The following MTRF1 variants were observed in gnomAD, a reference collection of about 807,000 sequenced individuals.
MTRF1 encodes the protein peptide chain release factor 1, mitochondrial.
A neutral mutation model predicts 62.9 loss-of-function variants in MTRF1; 51 were observed. The observed-to-expected ratio is 0.81, with a 90% CI of 0.65 to 1.02. The LOEUF (loss-of-function observed/expected upper bound fraction) is 1.02. MTRF1 is among the 50% of genes least tolerant of loss of function. The pLI is 0.00. For synonymous variants in MTRF1, 158 were observed against 181.9 expected (o/e 0.87, Z 1.06); for missense variants, 446 against 530.0 (o/e 0.84, Z 1.56).
the MTRF1 span, among the ~76,000 whole-genome samples, chr13:41,275,470 G>C: frequency 9.3e-3 from 1,380 of 148,582 alleles, 13 homozygotes; most frequent in African/African-American, 0.032. Flanking sequence ...AAAGTGCTGG[G>C]ATTACAGGCA....
At chr13:41,302,376 G>A in the MTRF1 span, among the ~76,000 whole-genome samples, 3 of 148,632 alleles carry the variant, frequency 2.0e-5, no homozygotes, top group African/African-American at 7.3e-5. Flanking sequence ...AGAGAGACAG[G>A]AAGGTGGGAG....
At chr13:41,270,326 T>C in the MTRF1 span, among the ~76,000 whole-genome samples, 2 of 151,952 alleles carry the variant, frequency 1.3e-5, no homozygotes, top group African/African-American at 2.4e-5. Flanking sequence ...ATTTAACTAG[T>C]CTTTTTTCCT....
the MTRF1 span, among the ~76,000 whole-genome samples, chr13:41,290,629 A>AGG: frequency 7.3e-6 from 1 of 136,218 alleles, no homozygotes. Context: ...TCCTGACCTC[A>AGG]TGATCCGCCC....
chr13:41,280,233 C>A, the MTRF1 span, among the ~76,000 whole-genome samples: 1 of 152,298 alleles, frequency 6.6e-6, no homozygotes. Flanking sequence ...CCGCGCCCGG[C>A]CCACAATCCT....
chr13:41,273,358 A>G, the MTRF1 span, among the ~76,000 whole-genome samples: 1 of 151,254 alleles, frequency 6.6e-6, no homozygotes, highest in Non-Finnish European at 1.5e-5. Context: ...AGGCATCTTC[A>G]CTTGGAAGCC....
chr13:41,257,413 A>G (rs549775168), intron 2 of MTRF1, among the ~76,000 whole-genome samples: 12 of 152,220 alleles, frequency 7.9e-5, no homozygotes, highest in Non-Finnish European at 1.6e-4. Flanking sequence ...GGACTCATGC[A>G]AGCTACATCA....
chr13:41,311,633 C>T, the MTRF1 span: 44 of 1,551,478 alleles, frequency 2.8e-5, no homozygotes, highest in South Asian at 1.0e-4. Flanking sequence ...GGTCCTCGGG[C>T]CTTAAGGGCA....
chr13:41,293,921 T>C, the MTRF1 span, among the ~76,000 whole-genome samples: 63 of 152,120 alleles, frequency 4.1e-4, no homozygotes, highest in African/African-American at 1.4e-3. Flanking sequence ...TGATAAATAT[T>C]GATATATTGA....
chr13:41,226,327 A>T, intron 8 of MTRF1, 105 bp downstream of exon 8: 1 of 1,164,650 alleles, frequency 8.6e-7, no homozygotes, highest in South Asian at 1.5e-5. Flanking sequence ...ACATTTCTCT[A>T]TGCTCTAAAA....
the MTRF1 span, among the ~76,000 whole-genome samples, chr13:41,275,595 T>G: frequency 5.3e-5 from 8 of 151,952 alleles, no homozygotes; most frequent in Non-Finnish European, 1.0e-4. Context: ...CGGGTTCAAA[T>G]GATCCTCCAT....
chr13:41,224,255 T>C (rs1435870419), intron 8 of MTRF1, among the ~76,000 whole-genome samples: 1 of 152,174 alleles, frequency 6.6e-6, no homozygotes, highest in Non-Finnish European at 1.5e-5. Context: ...AAATCCACTG[T>C]ACTTGGAATG....
chr13:41,218,328 C>T (rs928101218), intron 9 of MTRF1, among the ~76,000 whole-genome samples: 4 of 134,060 alleles, frequency 3.0e-5, no homozygotes, highest in African/African-American at 1.2e-4. Context: ...TAGGATTTTG[C>T]CATGCTGCCC....
At chr13:41,250,066 A>C (rs921030211) in intron 5 of MTRF1, among the ~76,000 whole-genome samples, 11 of 152,140 alleles carry the variant, frequency 7.2e-5, no homozygotes, top group Non-Finnish European at 2.9e-5. Flanking sequence ...TTAGGCTGCT[A>C]TACAAACCTG....
chr13:41,270,743 A>G, the MTRF1 span, among the ~76,000 whole-genome samples: 1 of 114,078 alleles, frequency 8.8e-6, no homozygotes, highest in Non-Finnish European at 2.0e-5. Flanking sequence ...TTATTTTTTA[A>G]TTTAATTTTT....
At chr13:41,290,265 A>T in the MTRF1 span, among the ~76,000 whole-genome samples, 1 of 147,990 alleles carries the variant, frequency 6.8e-6, no homozygotes, top group Admixed American at 6.8e-5. Flanking sequence ...CGTCCGGCTA[A>T]TTTTTTTGTA....
At chr13:41,311,739 C>A in the MTRF1 span, among the ~76,000 whole-genome samples, 1 of 152,232 alleles carries the variant, frequency 6.6e-6, no homozygotes, top group Non-Finnish European at 1.5e-5. Flanking sequence ...CTTTCCCGCT[C>A]CGGCCGGCCC....
rs758980005 is a variant in MTRF1 at position 41,253,042 on chromosome 13, A to T, written c.508-12T>A. On this transcript the variant is annotated splice_polypyrimidine_tract_variant and intron_variant, in intron 3 of 9. Coordinates refer to ENST00000379480, the MANE Select transcript of MTRF1 (RefSeq NM_004294.4). ...AGGCTCTGGAAAAGCTGGAATAAAAATCAGCATTTGTGTGTATATTTTCCC... is the reference window on the plus strand; with the variant it reads ...AGGCTCTGGAAAAGCTGGAATAAAATTCAGCATTTGTGTGTATATTTTCCC... The T allele has an allele frequency of 3.8e-6, 6 of 1,579,476 alleles. No individual in the cohort carries two copies. The highest frequency in any genetic ancestry group is 5.2e-6 in the Non-Finnish European group (6 of 1,158,120).
the MTRF1 span, among the ~76,000 whole-genome samples, chr13:41,290,188 C>T: frequency 6.7e-6 from 1 of 149,794 alleles, no homozygotes; most frequent in South Asian, 2.1e-4. Context: ...CCTCCGCCTC[C>T]CGGGTTTTAC....
At chr13:41,272,766 A>G in the MTRF1 span, among the ~76,000 whole-genome samples, 3 of 152,142 alleles carry the variant, frequency 2.0e-5, no homozygotes, top group African/African-American at 2.4e-5. Flanking sequence ...TTCAAACTAC[A>G]TAAAGGATTT....
Sources: gnomAD v4.1 joint callset for allele counts (sites outside exome capture counted in the v4.1 genomes callset) on GRCh38, gnomAD v4.1.1 for gene constraint, MANE v1.5 for transcripts, NCBI Gene and HGNC (gene_info 2026-07-23, HGNC 2026-07-21) for gene names.